DMD: variants seen among roughly 807,000 people sequenced by gnomAD.
The protein encoded by DMD is dystrophin.
A neutral mutation model predicts 330.1 loss-of-function variants in DMD; 63 were observed. The observed-to-expected ratio is 0.19, with a 90% CI of 0.16 to 0.24. DMD has a LOEUF of 0.24. Ranked by LOEUF, DMD falls within the 10% of genes least tolerant of loss-of-function variation. DMD has a pLI of 1.00. For synonymous variants in DMD, 1,223 were observed against 959.8 expected (o/e 1.27, Z -5.07); for missense variants, 3,344 against 2,684.1 (o/e 1.25, Z -5.43).
intron 7 of DMD, among the ~76,000 whole-genome samples, chrX:32,780,132 G>C (rs972257674): frequency 2.7e-5 from 3 of 111,472 alleles, no homozygotes; most frequent in Non-Finnish European, 5.6e-5. Context: ...AAAATCCATT[G>C]AGACAAAATA....
chrX:31,824,296 T>G (rs1603481975), intron 49 of DMD, among the ~76,000 whole-genome samples: 1 of 110,312 alleles, frequency 9.1e-6, no homozygotes, highest in East Asian at 2.8e-4. Flanking sequence ...GGAGTTTCAC[T>G]GTTGTTGCCC....
In DMD at chrX:32,491,155, C is replaced by A. The variant is rs201487603; in HGVS notation, c.2622+122G>T. 54 of 910,717 alleles carry A rather than the reference C, an allele frequency of 5.9e-5. No individual in the cohort carries two copies. In the East Asian group the frequency reaches 1.0e-3, roughly 17 times the overall value. The allele number at this position is 910,717 out of a possible 1,213,427, so 75.1% of individuals were successfully genotyped here. ...GTTGCTTACATTTTGAACTTTATTG[C>A]GCTTAGCTAAATCCTTAGAAGGTGA... On this transcript the variant is annotated intron_variant, in intron 20 of 78. Transcript: ENST00000357033.
intron 11 of DMD, among the ~76,000 whole-genome samples, chrX:32,628,172 G>T (rs1243362786): frequency 2.0e-5 from 2 of 102,122 alleles, no homozygotes; most frequent in Non-Finnish European, 3.9e-5. Flanking sequence ...ACCCATTAAT[G>T]ATCCCCACTG....
At chrX:32,919,707 A>G (rs2088201237) in intron 2 of DMD, among the ~76,000 whole-genome samples, 1 of 111,872 alleles carries the variant, frequency 8.9e-6, no homozygotes, top group Non-Finnish European at 1.9e-5. Flanking sequence ...CTACTTTTCT[A>G]TATTTTCTTC....
At chrX:31,440,002 C>T (rs912068310) in intron 60 of DMD, among the ~76,000 whole-genome samples, 1 of 111,318 alleles carries the variant, frequency 9.0e-6, no homozygotes, top group Non-Finnish European at 1.9e-5. Flanking sequence ...CTAAGGGGTA[C>T]ACTGAACTGG....
chrX:32,411,827 G>A lies in DMD; in HGVS notation c.4158C>T (p.Leu1386=), dbSNP rs780038701. 1.7e-6 allele frequency: 2 copies of A among 1,211,056 alleles called. No homozygotes were observed. The highest frequency in any genetic ancestry group is 2.2e-6 in the Non-Finnish European group (2 of 895,009). The change falls in exon 30 of 79, where the codon CTC becomes CTT. Residue 1386 remains leucine, a synonymous_variant. Transcript: ENST00000357033. ...EKSLHLIQES[L]TFIDKQLAAY... ...CTGCCAACTGCTTGTCAATGAATGT[G>A]AGGGACTCCTGGATTAAGTGTAAGG...
In DMD at chrX:32,048,706, A is replaced by G. The variant is rs374763350; in HGVS notation, c.6439-80192T>C. On this transcript the variant is annotated intron_variant, in intron 44 of 78. Coordinates refer to ENST00000357033, the MANE Select transcript of DMD (RefSeq NM_004006.3). ...AAAATGTAAATTCCACAACAAAGGG[A>G]CGTTGTTTTCTTTATGGATGGATAC... is the stretch of plus-strand genomic sequence containing the variant. Among the ~76,000 whole-genome samples, 23 of 110,811 alleles carry G rather than the reference A, an allele frequency of 2.1e-4. 1 individual carries two copies. In the East Asian group the frequency reaches 4.6e-3, roughly 22 times the overall value.
intron 60 of DMD, among the ~76,000 whole-genome samples, chrX:31,382,721 A>G (rs1284649855): frequency 9.1e-6 from 1 of 110,316 alleles, no homozygotes; most frequent in Admixed American, 9.7e-5. Context: ...CAACCCCACA[A>G]TATCACCCCT....
At chrX:31,594,916 C>T (rs2077044779) in intron 55 of DMD, among the ~76,000 whole-genome samples, 1 of 111,270 alleles carries the variant, frequency 9.0e-6, no homozygotes, top group African/African-American at 3.3e-5. Flanking sequence ...GTCATTTTTG[C>T]ACGGTGGAAG....
intron 19 of DMD, among the ~76,000 whole-genome samples, chrX:32,491,955 G>T (rs933623340): frequency 8.1e-5 from 9 of 111,007 alleles, no homozygotes; most frequent in African/African-American, 2.6e-4. Flanking sequence ...AAATGGGCTT[G>T]GAAATTAGTT....
intron 60 of DMD, among the ~76,000 whole-genome samples, chrX:31,407,842 T>C (rs894216458): frequency 1.8e-5 from 2 of 111,194 alleles, no homozygotes; most frequent in African/African-American, 6.5e-5. Context: ...ATAATTTTAT[T>C]TAGCTGAAGG....
At chrX:32,250,884 C>T (rs1395178287) in intron 43 of DMD, among the ~76,000 whole-genome samples, 1 of 111,285 alleles carries the variant, frequency 9.0e-6, no homozygotes, top group Non-Finnish European at 1.9e-5. Context: ...ACTTCATGTC[C>T]TTTGCAGGGA....
intron 61 of DMD, among the ~76,000 whole-genome samples, chrX:31,346,500 T>C (rs931298184): frequency 3.6e-5 from 4 of 111,288 alleles, no homozygotes; most frequent in Non-Finnish European, 7.5e-5. Context: ...ACTCAACACA[T>C]ATACTTTTAT....
intron 51 of DMD, among the ~76,000 whole-genome samples, chrX:31,765,203 C>T (rs1275621075): frequency 1.8e-5 from 2 of 111,458 alleles, no homozygotes; most frequent in Non-Finnish European, 3.8e-5. Context: ...GAAAGATAAA[C>T]ATAGCTTAAT....
At chrX:31,431,113 T>C (rs2064039940) in intron 60 of DMD, among the ~76,000 whole-genome samples, 1 of 110,781 alleles carries the variant, frequency 9.0e-6, no homozygotes, top group Non-Finnish European at 1.9e-5. Context: ...TCAAGGTCTT[T>C]TTATATTTCC....
intron 2 of DMD, among the ~76,000 whole-genome samples, chrX:32,984,568 T>C (rs1050156017): frequency 2.7e-5 from 3 of 112,224 alleles, no homozygotes; most frequent in African/African-American, 9.7e-5. Flanking sequence ...CTCTGTGTTT[T>C]ACTTTCCCTA....
At chrX:32,345,355 A>G (rs781636442) in intron 39 of DMD, among the ~76,000 whole-genome samples, 1 of 111,766 alleles carries the variant, frequency 8.9e-6, no homozygotes, top group Non-Finnish European at 1.9e-5. Context: ...GCCATACACT[A>G]CACTGCTTAA....
intron 62 of DMD, among the ~76,000 whole-genome samples, chrX:31,308,722 T>C (rs1346620101): frequency 9.1e-6 from 1 of 110,422 alleles, no homozygotes; most frequent in Admixed American, 9.7e-5. Context: ...ATCTATTTTT[T>C]TGTGTGTGAT....
At chrX:31,242,700 A>ATGTGTATG (rs2048457515) in intron 63 of DMD, among the ~76,000 whole-genome samples, 2 of 95,104 alleles carry the variant, frequency 2.1e-5, no homozygotes, top group South Asian at 1.1e-3. Flanking sequence ...ACAATAAGAT[A>ATGTGTATG]TGTGTGTGTG....
Sources: allele counts gnomAD v4.1 joint callset (sites outside exome capture counted in the v4.1 genomes callset), GRCh38; gene constraint gnomAD v4.1.1; transcripts MANE v1.5; gene names NCBI Gene and HGNC (gene_info 2026-07-23, HGNC 2026-07-21).